The following CSGALNACT1 variants were observed in gnomAD, a reference collection of about 807,000 sequenced individuals.
CSGALNACT1 encodes the protein chondroitin sulfate N-acetylgalactosaminyltransferase 1, also known as beta4GalNAcT-1.
Under a neutral mutation model 51.0 loss-of-function variants are expected in CSGALNACT1, and 52 were observed. The ratio of observed to expected loss-of-function variants is 1.02; its 90% confidence interval spans 0.82 to 1.29. CSGALNACT1 has a LOEUF of 1.29. CSGALNACT1 is among the 50% of genes most tolerant of loss of function. The pLI is 0.00. For synonymous variants in CSGALNACT1, 341 were observed against 254.4 expected (o/e 1.34, Z -3.24); for missense variants, 935 against 679.2 (o/e 1.38, Z -4.19).
intron 1 of CSGALNACT1, among the ~76,000 whole-genome samples, chr8:19,680,204 C>T (rs1176720484): frequency 6.6e-6 from 1 of 152,086 alleles, no homozygotes; most frequent in African/African-American, 2.4e-5. Flanking sequence ...TGGACTCAAC[C>T]AACCACAGAT....
rs1490276062 is a variant in CSGALNACT1, at chr8:19,745,060, C to A, written c.-297+12790G>T. On this transcript the variant is annotated intron_variant, in intron 1 of 1. Coordinates refer to the CSGALNACT1 transcript ENST00000517494. ...TTTAGAGACAGACAGACATTTGTTC[C>A]AATGCTGGTTCAGCCTGTCATAGTC... Among the ~76,000 whole-genome samples the A allele has an allele frequency of 5.9e-5, 9 of 152,160 alleles. 1 individual carries two copies. The highest frequency in any genetic ancestry group is 1.9e-4 in the African/African-American group (8 of 41,414).
At chr8:19,411,283 T>G (rs1227261762) in intron 8 of CSGALNACT1, among the ~76,000 whole-genome samples, 1 of 152,230 alleles carries the variant, frequency 6.6e-6, no homozygotes, top group Non-Finnish European at 1.5e-5. Context: ...CAATTCTGGC[T>G]TCTGAAATGA....
intron 3 of CSGALNACT1, among the ~76,000 whole-genome samples, chr8:19,587,313 C>T (rs2046866306): frequency 1.3e-5 from 2 of 152,316 alleles, no homozygotes; most frequent in South Asian, 2.1e-4. Context: ...TAGTCTACGA[C>T]TGGTAGTGAG....
intron 1 of CSGALNACT1, among the ~76,000 whole-genome samples, chr8:19,629,930 A>G (rs1191469130): frequency 6.6e-6 from 1 of 152,226 alleles, no homozygotes; most frequent in African/African-American, 2.4e-5. Context: ...TGAGACGCCC[A>G]GTAGGCCAGG....
At chr8:19,722,755 A>G (rs1440809137) in intron 1 of CSGALNACT1, among the ~76,000 whole-genome samples, 1 of 152,220 alleles carries the variant, frequency 6.6e-6, no homozygotes, top group Non-Finnish European at 1.5e-5. Context: ...CCAAGCCCAA[A>G]GTGCTGGGTA....
exon 1 of CSGALNACT1, chr8:19,682,561 T>C: frequency 2.2e-6 from 1 of 449,256 alleles, no homozygotes; most frequent in Non-Finnish European, 4.5e-6. Flanking sequence ...AGTACTCTAC[T>C]CCCAGGGTTT....
chr8:19,525,720 C>T (rs143351977), intron 3 of CSGALNACT1, among the ~76,000 whole-genome samples: 1 of 140,798 alleles, frequency 7.1e-6, no homozygotes, highest in South Asian at 2.3e-4. Flanking sequence ...CAAGTGACAA[C>T]AGAGAGAAAG....
At chr8:19,544,473 A>G (rs2086013610) in intron 3 of CSGALNACT1, among the ~76,000 whole-genome samples, 1 of 152,156 alleles carries the variant, frequency 6.6e-6, no homozygotes, top group African/African-American at 2.4e-5. Context: ...CTGAAGGAAA[A>G]AGCTAACAAT....
intron 1 of CSGALNACT1, among the ~76,000 whole-genome samples, chr8:19,700,709 A>G (rs2061819804): frequency 1.3e-5 from 2 of 152,206 alleles, no homozygotes; most frequent in Admixed American, 6.5e-5. Flanking sequence ...GGCAAATCTT[A>G]ACATATGCTA....
chr8:19,728,146 T>G (rs1288316297), intron 1 of CSGALNACT1, among the ~76,000 whole-genome samples: 1 of 152,160 alleles, frequency 6.6e-6, no homozygotes, highest in Admixed American at 6.5e-5. Flanking sequence ...AGACATTCGG[T>G]GCCTCCGTTT....
intron 4 of CSGALNACT1, among the ~76,000 whole-genome samples, chr8:19,476,904 T>C (rs1341641862): frequency 6.6e-6 from 1 of 152,148 alleles, no homozygotes; most frequent in Non-Finnish European, 1.5e-5. Context: ...GACTTTCCCA[T>C]GAGGCCTTCC....
chr8:19,720,913 C>T (rs1042209932), intron 1 of CSGALNACT1, among the ~76,000 whole-genome samples: 1 of 151,994 alleles, frequency 6.6e-6, no homozygotes, highest in Admixed American at 6.6e-5. Flanking sequence ...GTGGTAAGGA[C>T]GGCCCTGTGC....
chr8:19,535,132 C>T (rs2154061722), intron 3 of CSGALNACT1, among the ~76,000 whole-genome samples: 2 of 152,214 alleles, frequency 1.3e-5, no homozygotes, highest in African/African-American at 2.4e-5. Context: ...CACATTTAAA[C>T]ATTTTAAACC....
chr8:19,413,094 T>C (rs2056196224), intron 8 of CSGALNACT1, among the ~76,000 whole-genome samples: 1 of 152,200 alleles, frequency 6.6e-6, no homozygotes, highest in Non-Finnish European at 1.5e-5. Context: ...GGCCATCTCC[T>C]TCCAGATGTA....
At chr8:19,701,843 C>T (rs1272742768) in intron 1 of CSGALNACT1, among the ~76,000 whole-genome samples, 1 of 152,124 alleles carries the variant, frequency 6.6e-6, no homozygotes, top group East Asian at 1.9e-4. Flanking sequence ...TGCTTTTAAC[C>T]ACTACAAGAT....
At chr8:19,527,013 C>T (rs1382947565) in intron 3 of CSGALNACT1, among the ~76,000 whole-genome samples, 1 of 152,158 alleles carries the variant, frequency 6.6e-6, no homozygotes, top group African/African-American at 2.4e-5. Flanking sequence ...TACATATCTA[C>T]CCACCTATCT....
intron 3 of CSGALNACT1, among the ~76,000 whole-genome samples, chr8:19,528,016 A>G (rs1314050139): frequency 1.3e-5 from 2 of 152,134 alleles, no homozygotes; most frequent in East Asian, 1.9e-4. Flanking sequence ...CCAACATCAA[A>G]CAGCCAGGAA....
chr8:19,500,769 C>A (rs918798454), intron 4 of CSGALNACT1, among the ~76,000 whole-genome samples: 1 of 152,168 alleles, frequency 6.6e-6, no homozygotes, highest in Non-Finnish European at 1.5e-5. Flanking sequence ...TCTCAAGGTG[C>A]CCTCTTAGTC....
intron 3 of CSGALNACT1, among the ~76,000 whole-genome samples, chr8:19,577,010 C>T (rs546909931): frequency 6.6e-6 from 1 of 152,132 alleles, no homozygotes; most frequent in East Asian, 1.9e-4. Flanking sequence ...GCCCTCCACA[C>T]CCACCTCAAA....
Sources: allele counts gnomAD v4.1 joint callset (sites outside exome capture counted in the v4.1 genomes callset), GRCh38; gene constraint gnomAD v4.1.1; transcripts MANE v1.5; gene names NCBI Gene and HGNC (gene_info 2026-07-23, HGNC 2026-07-21).